The following MALRD1 variants were observed in gnomAD, a reference collection of about 807,000 sequenced individuals.
MALRD1 encodes MAM and LDL-receptor class A domain-containing protein 1.
MALRD1 carries 247 observed loss-of-function variants against 242.1 expected under a neutral mutation model. The observed-to-expected ratio is 1.02, with a 90% CI of 0.92 to 1.13. The LOEUF (loss-of-function observed/expected upper bound fraction) is 1.13, where lower values mean the gene tolerates loss of function less well. Among genes scored for constraint, MALRD1 ranks in the 50% most tolerant of loss-of-function variants. The pLI is 0.00. For missense variants in MALRD1, 2,989 were observed against 2,533.1 expected (o/e 1.18, Z -3.86); for synonymous variants, 995 against 866.6 (o/e 1.15, Z -2.60).
intron 36 of MALRD1, among the ~76,000 whole-genome samples, chr10:19,634,450 C>G (rs1365395423): frequency 6.6e-6 from 1 of 151,822 alleles, no homozygotes; most frequent in African/African-American, 2.4e-5. Context: ...ATTGGTTTAC[C>G]CAAGAGTGAT....
chr10:19,643,550 T>C (rs560624958), intron 36 of MALRD1, among the ~76,000 whole-genome samples: 1 of 152,318 alleles, frequency 6.6e-6, no homozygotes, highest in African/African-American at 2.4e-5. Flanking sequence ...AGTTTCGACA[T>C]AATTTTATAA....
chr10:19,165,860 G>A, intron 13 of MALRD1, 50 bp downstream of exon 13: 3 of 1,203,846 alleles, frequency 2.5e-6, no homozygotes, highest in African/African-American at 1.6e-5. Flanking sequence ...CTTATTTAAT[G>A]CTAAACCTTT....
At chr10:19,240,332 T>A (rs1482798327) in intron 18 of MALRD1, among the ~76,000 whole-genome samples, 1 of 152,128 alleles carries the variant, frequency 6.6e-6, no homozygotes, top group African/African-American at 2.4e-5. Context: ...GTGTTGATTT[T>A]GTATACTACA....
rs1837342907 is a variant in MALRD1, at chr10:19,128,233, G to T, written c.956G>T (p.Trp319Leu). ...TTTTATCTTTCAGGTTATTATGTAT[G>T]GGTAGGCGCTAAGCATGGTTTCACT... ...QGGDDEGYYV[W>L]VGAKHGFTLN... The change falls in exon 8 of 40, where the codon TGG becomes TTG. Residue 319 changes from tryptophan (W) to leucine (L), a missense_variant. Physicochemically the swap from Trp to Leu is moderately conservative, Grantham distance 61 (BLOSUM62 -2). Coordinates refer to ENST00000454679, the MANE Select transcript of MALRD1 (RefSeq NM_001142308.3). 8.1e-7 allele frequency: 1 copy of T among 1,233,322 alleles called. No homozygotes were observed. The highest frequency in any genetic ancestry group is 1.0e-6 in the Non-Finnish European group (1 of 987,724). 76.4% of individuals were successfully genotyped at this position (1,233,322 alleles called of 1,614,324 possible). A position where few individuals can be genotyped will look rare whatever the true frequency, so the allele number is the denominator to read the frequency against.
intron 26 of MALRD1, among the ~76,000 whole-genome samples, chr10:19,380,239 T>C (rs907663507): frequency 3.3e-5 from 5 of 151,466 alleles, no homozygotes; most frequent in African/African-American, 1.2e-4. Flanking sequence ...CCTCCCAAAG[T>C]GCTAGGATTA....
In MALRD1 at chr10:19,266,946, A is replaced by G. The variant is rs373504191; in HGVS notation, c.3079+9175A>G. ...GATTAGGAATTGCTCTGAGACATTTATATTAAAAAGTGTGTATCTCAAAGG... is the reference window on the plus strand; with the variant it reads ...GATTAGGAATTGCTCTGAGACATTTGTATTAAAAAGTGTGTATCTCAAAGG... On this transcript the variant is annotated intron_variant, in intron 19 of 39. Transcript: ENST00000454679. Among the ~76,000 whole-genome samples, 3 of 152,162 alleles carry G rather than the reference A, an allele frequency of 2.0e-5. No individual in the cohort carries two copies. The East Asian group carries it at 5.8e-4, about 29-fold the overall frequency.
chr10:19,606,215 C>G (rs757249806), intron 34 of MALRD1, among the ~76,000 whole-genome samples: 1 of 151,986 alleles, frequency 6.6e-6, no homozygotes, highest in Non-Finnish European at 1.5e-5. Context: ...TGTATAAGAA[C>G]CATACATGGG....
At chr10:19,236,968 A>T (rs531880387) in intron 18 of MALRD1, among the ~76,000 whole-genome samples, 18 of 152,172 alleles carry the variant, frequency 1.2e-4, no homozygotes, top group African/African-American at 4.3e-4. Flanking sequence ...AGAACATTTT[A>T]AAATTGTTAT....
intron 36 of MALRD1, among the ~76,000 whole-genome samples, chr10:19,647,340 A>G (rs1052683375): frequency 2.0e-5 from 3 of 152,194 alleles, no homozygotes; most frequent in Admixed American, 6.5e-5. Flanking sequence ...CTAGCACACC[A>G]CTATTAGACC....
chr10:19,600,812 G>A (rs966222011), intron 34 of MALRD1, among the ~76,000 whole-genome samples: 3 of 152,130 alleles, frequency 2.0e-5, no homozygotes, highest in Non-Finnish European at 4.4e-5. Flanking sequence ...AAAATGCCCT[G>A]TGTTACTTAG....
At chr10:19,195,897 A>G (rs1836219371) in intron 14 of MALRD1, among the ~76,000 whole-genome samples, 1 of 152,094 alleles carries the variant, frequency 6.6e-6, no homozygotes, top group African/African-American at 2.4e-5. Flanking sequence ...TCCTCAATGA[A>G]TAACACATTT....
chr10:19,185,962 G>A (rs556390890), intron 14 of MALRD1, among the ~76,000 whole-genome samples: 1 of 152,082 alleles, frequency 6.6e-6, no homozygotes, highest in African/African-American at 2.4e-5. Context: ...GGATTTCTAT[G>A]ATGTGTCTCT....
At chr10:19,129,045 G>GT (rs1554794327) in intron 8 of MALRD1, among the ~76,000 whole-genome samples, 3 of 151,944 alleles carry the variant, frequency 2.0e-5, no homozygotes, top group East Asian at 3.9e-4. Context: ...CCAGATGCAT[G>GT]TTTTTTTTCC....
At chr10:19,500,593 C>T (rs1371364991) in intron 31 of MALRD1, among the ~76,000 whole-genome samples, 1 of 152,030 alleles carries the variant, frequency 6.6e-6, no homozygotes, top group Non-Finnish European at 1.5e-5. Flanking sequence ...ATTTTAAAAC[C>T]TCCTAAACCC....
chr10:19,438,165 C>G (rs1296405373), intron 28 of MALRD1, among the ~76,000 whole-genome samples: 4 of 151,864 alleles, frequency 2.6e-5, no homozygotes, highest in Non-Finnish European at 5.9e-5. Flanking sequence ...CACTTTCTGT[C>G]TCTGTGTTTC....
intron 29 of MALRD1, among the ~76,000 whole-genome samples, chr10:19,459,410 A>G (rs1258130864): frequency 6.6e-6 from 1 of 152,132 alleles, no homozygotes; most frequent in Admixed American, 6.5e-5. Context: ...TATTGCTTGA[A>G]TTGATTTGAG....
rs1564417538 is a variant in MALRD1, at chr10:19,530,432, A to ATATAAATAT, written c.5321-758_5321-757insAATATTATA. On this transcript the variant is annotated intron_variant, in intron 31 of 39. Transcript: ENST00000454679. ...ATTTATATAATAATAAATATATAAT[A>ATATAAATAT]TATATAATATATAATATATAATATA... Among the ~76,000 whole-genome samples, 60 of 40,908 alleles carry ATATAAATAT rather than the reference A, an allele frequency of 1.5e-3. 10 individuals are homozygous for ATATAAATAT. The highest frequency in any genetic ancestry group is 2.9e-3 in the Non-Finnish European group (55 of 19,238). 26.8% of individuals were successfully genotyped at this position (40,908 alleles called of 152,430 possible). A position where few individuals can be genotyped will look rare whatever the true frequency, so the allele number is the denominator to read the frequency against.
At chr10:19,144,578 T>C (rs1255986522) in intron 10 of MALRD1, among the ~76,000 whole-genome samples, 1 of 152,368 alleles carries the variant, frequency 6.6e-6, no homozygotes, top group East Asian at 1.9e-4. Context: ...GCTTATTTGA[T>C]ATGCTGGTTA....
intron 5 of MALRD1, among the ~76,000 whole-genome samples, chr10:19,107,159 G>A (rs1026296520): frequency 5.9e-5 from 9 of 151,788 alleles, no homozygotes; most frequent in East Asian, 1.9e-4. Flanking sequence ...TCTAGAGTTC[G>A]GTTTAAATAT....
Sources: gnomAD v4.1 joint callset for allele counts (sites outside exome capture counted in the v4.1 genomes callset) on GRCh38, gnomAD v4.1.1 for gene constraint, MANE v1.5 for transcripts, NCBI Gene and HGNC (gene_info 2026-07-23, HGNC 2026-07-21) for gene names.